Variants in LRP1B observed in about 807,000 individuals in gnomAD.
LRP1B encodes low-density lipoprotein receptor-related protein 1B.
Under a neutral mutation model 556.6 loss-of-function variants are expected in LRP1B, and 217 were observed. That is an observed-to-expected ratio of 0.39 (90% CI 0.35 to 0.44). The LOEUF (loss-of-function observed/expected upper bound fraction) is 0.44. Ranked by LOEUF, LRP1B falls within the 20% of genes least tolerant of loss-of-function variation. The pLI is 1.00. For missense variants in LRP1B, 5,053 were observed against 5,620.8 expected, an observed-to-expected ratio of 0.90 and a Z score of 3.23; for synonymous variants, 2,047 against 1,865.8, an observed-to-expected ratio of 1.10 and a Z score of -2.50.
chr2:140,474,886 C>T lies in LRP1B; in HGVS notation c.9625+252G>A, dbSNP rs185324138. On this transcript the variant is annotated intron_variant, in intron 60 of 90. Transcript: ENST00000389484. ...TGGATATTAATTTATAAAACTACTG[C>T]CCATTTACTAGAAAATCTATTTAGA... Among the ~76,000 whole-genome samples, 43 of 151,714 alleles carry T rather than the reference C, an allele frequency of 2.8e-4. 1 individual carries two copies. In the East Asian group the frequency reaches 6.8e-3, roughly 24 times the overall value.
chr2:140,921,040 T>C (rs1338439424), intron 21 of LRP1B, among the ~76,000 whole-genome samples: 3 of 152,018 alleles, frequency 2.0e-5, no homozygotes, highest in East Asian at 1.9e-4. Flanking sequence ...ATACACATTT[T>C]AAAATAAATT....
chr2:140,353,966 T>C (rs1186965058), intron 75 of LRP1B, among the ~76,000 whole-genome samples: 1 of 151,964 alleles, frequency 6.6e-6, no homozygotes, highest in African/African-American at 2.4e-5. Flanking sequence ...TCTAAATCAC[T>C]AGCATAAATA....
intron 72 of LRP1B, among the ~76,000 whole-genome samples, chr2:140,363,862 T>C (rs971585120): frequency 2.0e-5 from 3 of 151,662 alleles, no homozygotes; most frequent in African/African-American, 7.3e-5. Context: ...GTATTTTCTT[T>C]ATTTACCTGG....
intron 89 of LRP1B, among the ~76,000 whole-genome samples, chr2:140,236,695 C>T (rs2104878319): frequency 6.6e-6 from 1 of 150,910 alleles, no homozygotes; most frequent in South Asian, 2.1e-4. Flanking sequence ...AAATATTTCT[C>T]AAAAGTGATT....
At chr2:141,246,775 G>T (rs893108424) in intron 5 of LRP1B, among the ~76,000 whole-genome samples, 58 of 152,158 alleles carry the variant, frequency 3.8e-4, no homozygotes, top group African/African-American at 1.3e-3. Context: ...GACCAGCCTG[G>T]CCAACATGGT....
chr2:141,682,200 T>C (rs1691129291), intron 2 of LRP1B, among the ~76,000 whole-genome samples: 1 of 151,994 alleles, frequency 6.6e-6, no homozygotes, highest in Non-Finnish European at 1.5e-5. Context: ...AGAGATCGGA[T>C]AGAGATGAAA....
intron 1 of LRP1B, among the ~76,000 whole-genome samples, chr2:141,823,335 T>C (rs1278544040): frequency 6.6e-6 from 1 of 152,198 alleles, no homozygotes; most frequent in Non-Finnish European, 1.5e-5. Context: ...GGGAGCATGA[T>C]TCTATGCCAG....
chr2:141,917,552 A>G (rs1376663535), intron 1 of LRP1B, among the ~76,000 whole-genome samples: 1 of 152,236 alleles, frequency 6.6e-6, no homozygotes, highest in African/African-American at 2.4e-5. Context: ...ACATCTCTCT[A>G]TTAAGATTCT....
chr2:141,795,857 A>AAAAAATATATATATAT lies in LRP1B; in HGVS notation c.205+14421_205+14422insATATATATATATTTTT, dbSNP rs1491180183. On this transcript the variant is annotated intron_variant, in intron 2 of 90. Transcript: ENST00000389484. ...GAAATAGAGAATGAAAACCAGGAGC[A>AAAAAATATATATATAT]ATATATATATATATATATATATATA... 2.7e-4 allele frequency among the ~76,000 whole-genome samples: 14 copies of AAAAAATATATATATAT among 51,632 alleles called. 1 individual carries two copies. The highest frequency in any genetic ancestry group is 8.9e-4 in the African/African-American group (12 of 13,472). The allele number at this position is 51,632 out of a possible 152,430, so 33.9% of individuals were successfully genotyped here.
intron 1 of LRP1B, among the ~76,000 whole-genome samples, chr2:141,989,833 T>C (rs1450552669): frequency 6.6e-6 from 1 of 152,040 alleles, no homozygotes; most frequent in Non-Finnish European, 1.5e-5. Context: ...AAACTATGAG[T>C]CAATTAAACC....
chr2:141,167,126 T>A (rs1009006814), intron 7 of LRP1B: 20 of 151,956 alleles, frequency 1.3e-4, no homozygotes, highest in African/African-American at 4.8e-4. Context: ...ATATAAGTTA[T>A]ATAATACAAA....
At chr2:141,180,864 G>A (rs773739718) in intron 7 of LRP1B, among the ~76,000 whole-genome samples, 2 of 151,944 alleles carry the variant, frequency 1.3e-5, no homozygotes, top group African/African-American at 2.4e-5. Context: ...TTCACATTTT[G>A]AGCAGGCTCA....
chr2:141,740,481 A>G (rs1046470680), intron 2 of LRP1B, among the ~76,000 whole-genome samples: 1 of 152,100 alleles, frequency 6.6e-6, no homozygotes, highest in Non-Finnish European at 1.5e-5. Context: ...GTAGGTATAT[A>G]TTTTGTCAGT....
chr2:141,455,784 T>G (rs1371231095), intron 3 of LRP1B, among the ~76,000 whole-genome samples: 5 of 152,334 alleles, frequency 3.3e-5, no homozygotes, highest in Admixed American at 3.3e-4. Flanking sequence ...GACCAATAAA[T>G]ACCAACTTTT....
intron 6 of LRP1B, among the ~76,000 whole-genome samples, chr2:141,188,973 G>A (rs1681379417): frequency 6.6e-6 from 1 of 152,008 alleles, no homozygotes; most frequent in Admixed American, 6.6e-5. Context: ...TACCTTTTCT[G>A]AGTGTAAGGC....
At chr2:141,810,161 GAAA>G (rs1213479386) in intron 2 of LRP1B, 115 bp downstream of exon 2, 2 of 385,044 alleles carry the variant, frequency 5.2e-6, no homozygotes, top group Non-Finnish European at 6.9e-6. Flanking sequence ...AAGAAAGAAA[GAAA>G]GAAGGAAAGA....
At chr2:140,541,451 C>T (rs543476089) in intron 44 of LRP1B, among the ~76,000 whole-genome samples, 1 of 152,136 alleles carries the variant, frequency 6.6e-6, no homozygotes, top group Admixed American at 6.6e-5. Flanking sequence ...ATGGAAACAA[C>T]TTGATCTGAA....
intron 6 of LRP1B, among the ~76,000 whole-genome samples, chr2:141,202,759 A>G (rs1163008428): frequency 3.3e-5 from 5 of 150,652 alleles, no homozygotes; most frequent in African/African-American, 9.8e-5. Context: ...TTTTTATTAC[A>G]TTTTCCATTC....
intron 2 of LRP1B, among the ~76,000 whole-genome samples, chr2:141,594,666 G>T (rs570861668): frequency 6.6e-6 from 1 of 152,042 alleles, no homozygotes; most frequent in Non-Finnish European, 1.5e-5. Flanking sequence ...TTGTCATTTG[G>T]TTGACTACAT....
Sources: allele counts gnomAD v4.1 joint callset (sites outside exome capture counted in the v4.1 genomes callset), GRCh38; gene constraint gnomAD v4.1.1; transcripts MANE v1.5; gene names NCBI Gene and HGNC (gene_info 2026-07-23, HGNC 2026-07-21).